The following MYL1 variants were observed in gnomAD, a reference collection of about 807,000 sequenced individuals.
The protein encoded by MYL1 is myosin light chain 1, also known as myosin light chain 1/3, skeletal muscle isoform.
MYL1 carries 16 observed loss-of-function variants against 21.8 expected under a neutral mutation model. That is an observed-to-expected ratio of 0.74 (90% CI 0.50 to 1.12). The LOEUF (loss-of-function observed/expected upper bound fraction) is 1.12, where lower values mean the gene tolerates loss of function less well. MYL1 is among the 50% of genes most tolerant of loss of function. The pLI is 0.00. For missense variants in MYL1, 246 were observed against 241.0 expected (o/e 1.02, Z -0.14); for synonymous variants, 99 against 85.2 (o/e 1.16, Z -0.89).
Position 210,298,539 on chromosome 2 carries a change from A to G in MYL1, c.185T>C (p.Phe62Ser), listed in dbSNP as rs1033392367. 2 of 1,613,990 alleles carry G rather than the reference A, an allele frequency of 1.2e-6. No individual in the cohort carries two copies. The highest frequency in any genetic ancestry group is 1.3e-5 in the African/African-American group (1 of 74,924). ...QDEFKEAFLL[F>S]DRTGDSKITL... The stretch of plus-strand genomic sequence containing the variant: ...GATCTTGGAATCACCTGTTCTGTCA[A>G]ACAGGAGAAATGCCTCCTTGAATTC... Residue 62 changes from phenylalanine (F) to serine (S), a missense_variant, in exon 3 of 7, where the codon TTT becomes TCT. By Grantham distance (155) the Phe-to-Ser change is radical (BLOSUM62 -2). Coordinates refer to ENST00000352451, the MANE Select transcript of MYL1 (RefSeq NM_079420.3).
intron 2 of MYL1, 36 bp from the exon 3 acceptor site, chr2:210,298,599 T>C (rs779683352): frequency 6.2e-7 from 1 of 1,612,222 alleles, no homozygotes. Flanking sequence ...TGCTCTTTTC[T>C]TCCTCTAACC....
At chr2:210,313,798 G>T (rs1690450419) in intron 1 of MYL1, among the ~76,000 whole-genome samples, 1 of 152,008 alleles carries the variant, frequency 6.6e-6, no homozygotes, top group Non-Finnish European at 1.5e-5. Flanking sequence ...AAATTCTATA[G>T]TTATATTAAA....
intron 2 of MYL1, 107 bp from the exon 3 acceptor site, chr2:210,298,670 G>T: frequency 8.2e-7 from 1 of 1,219,228 alleles, no homozygotes. Flanking sequence ...TACAACTTCT[G>T]CCAACTATGC....
chr2:210,299,777 T>A (rs1690235685), intron 2 of MYL1, among the ~76,000 whole-genome samples: 1 of 152,178 alleles, frequency 6.6e-6, no homozygotes, highest in African/African-American at 2.4e-5. Context: ...GTACTGCTGA[T>A]GACTTCCAGT....
At chr2:210,304,103 A>G (rs1294876323) in intron 1 of MYL1, among the ~76,000 whole-genome samples, 1 of 152,194 alleles carries the variant, frequency 6.6e-6, no homozygotes, top group Non-Finnish European at 1.5e-5. Context: ...GAGGACTTGA[A>G]AAGGCCATGC....
chr2:210,303,658 C>G (rs1690298069), intron 1 of MYL1: 3 of 1,491,570 alleles, frequency 2.0e-6, no homozygotes, highest in Non-Finnish European at 2.7e-6. Flanking sequence ...TCTGGGCAAG[C>G]TTTGACCTCA....
intron 3 of MYL1, among the ~76,000 whole-genome samples, chr2:210,295,493 A>C (rs1053322396): frequency 1.1e-4 from 16 of 151,912 alleles, no homozygotes; most frequent in Non-Finnish European, 1.6e-4. Flanking sequence ...AACAAAACCA[A>C]AAAAGGCCAG....
At chr2:210,296,059 T>G (rs1057212117) in intron 3 of MYL1, among the ~76,000 whole-genome samples, 2 of 152,158 alleles carry the variant, frequency 1.3e-5, no homozygotes, top group Non-Finnish European at 2.9e-5. Flanking sequence ...GATTATTTGT[T>G]ATCTCATACC....
At chr2:210,313,350 A>G (rs1163789568) in intron 1 of MYL1, among the ~76,000 whole-genome samples, 1 of 152,012 alleles carries the variant, frequency 6.6e-6, no homozygotes, top group African/African-American at 2.4e-5. Flanking sequence ...GTTACTACAG[A>G]GTGCAGAGTT....
At chr2:210,302,541 GA>G (rs747412980) in intron 1 of MYL1, 26 bp from the exon 2 acceptor site, 1 of 1,605,084 alleles carries the variant, frequency 6.2e-7, no homozygotes, top group African/African-American at 1.3e-5. Context: ...TGACCACAAA[GA>G]ATGTTTTAAC....
chr2:210,303,643 T>C, intron 1 of MYL1: 4 of 1,549,632 alleles, frequency 2.6e-6, no homozygotes, highest in South Asian at 1.2e-5. Flanking sequence ...AGGCTTCCTT[T>C]TATTTCTGGG....
intron 1 of MYL1, among the ~76,000 whole-genome samples, chr2:210,313,862 G>T (rs976643398): frequency 1.3e-5 from 2 of 152,018 alleles, no homozygotes; most frequent in Non-Finnish European, 1.5e-5. Context: ...AGTAAACAAT[G>T]GTAAATTGGC....
chr2:210,315,099 C>T lies in MYL1; in HGVS notation c.-57G>A. The T allele has an allele frequency of 1.9e-6, 3 of 1,576,828 alleles. No individual in the cohort carries two copies. Among genetic ancestry groups the T allele is most frequent in the South Asian group, 2.4e-5 (2 of 84,544 alleles). On this transcript the variant is annotated 5_prime_UTR_variant, in exon 1 of 7. Coordinates refer to ENST00000352451, the MANE Select transcript of MYL1 (RefSeq NM_079420.3). The stretch of plus-strand genomic sequence containing the variant: ...AAGGAGTTCCTCCAAAAGAACCTGT[C>T]AAAATGATTCTTGGAAGAGGAGTGG...
At chr2:210,293,843 T>G in intron 4 of MYL1, 43 bp from the exon 5 acceptor site, 2 of 1,582,562 alleles carry the variant, frequency 1.3e-6, no homozygotes, top group South Asian at 2.2e-5. Flanking sequence ...GGCCATGTGT[T>G]ATTTTCAAAA....
intron 5 of MYL1, among the ~76,000 whole-genome samples, chr2:210,292,628 T>G (rs1322376565): frequency 6.6e-6 from 1 of 152,148 alleles, no homozygotes; most frequent in Non-Finnish European, 1.5e-5. Context: ...TTTTTTAAAG[T>G]ATGTGATTAA....
chr2:210,306,467 A>G (rs962378339), intron 1 of MYL1, among the ~76,000 whole-genome samples: 1 of 152,190 alleles, frequency 6.6e-6, no homozygotes, highest in Admixed American at 6.5e-5. Flanking sequence ...TTATTATAAT[A>G]GAAGCAGTTA....
chr2:210,291,567 A>T (rs1454220294), intron 5 of MYL1, among the ~76,000 whole-genome samples: 1 of 152,202 alleles, frequency 6.6e-6, no homozygotes, highest in Non-Finnish European at 1.5e-5. Context: ...CCACATAAAT[A>T]TGTTTCTAAA....
intron 1 of MYL1, among the ~76,000 whole-genome samples, chr2:210,308,543 G>T (rs1690374217): frequency 6.7e-6 from 1 of 150,338 alleles, no homozygotes; most frequent in Admixed American, 6.6e-5. Flanking sequence ...TGGTTAGATT[G>T]CATAAATTGA....
intron 4 of MYL1, 39 bp downstream of exon 4, chr2:210,294,206 A>G (rs1348200106): frequency 6.4e-7 from 1 of 1,553,508 alleles, no homozygotes; most frequent in African/African-American, 1.4e-5. Flanking sequence ...TTTTCTATAT[A>G]TTCTGTCTCA....
Sources: gnomAD v4.1 joint callset for allele counts (sites outside exome capture counted in the v4.1 genomes callset) on GRCh38, gnomAD v4.1.1 for gene constraint, MANE v1.5 for transcripts, NCBI Gene and HGNC (gene_info 2026-07-23, HGNC 2026-07-21) for gene names.